ADGRB3: variants seen among roughly 807,000 people sequenced by gnomAD.
ADGRB3 encodes brain-specific angiogenesis inhibitor 3.
In ADGRB3, 37 loss-of-function variants were observed where a neutral mutation model predicts 193.4. The observed-to-expected ratio is 0.19, with a 90% CI of 0.15 to 0.25. The LOEUF is 0.25. Among genes scored for constraint, ADGRB3 ranks in the 10% least tolerant of loss-of-function variants. The pLI, the probability that ADGRB3 is intolerant of heterozygous loss-of-function variation, is 1.00. For missense variants in ADGRB3, 1,637 were observed against 1,852.9 expected, an observed-to-expected ratio of 0.88 and a Z score of 2.14; for synonymous variants, 690 against 644.2, an observed-to-expected ratio of 1.07 and a Z score of -1.08.
At chr6:68,993,034 C>T (rs1012422848) in intron 10 of ADGRB3, among the ~76,000 whole-genome samples, 2 of 151,982 alleles carry the variant, frequency 1.3e-5, no homozygotes, top group African/African-American at 4.8e-5. Flanking sequence ...ACTATTCTTT[C>T]GCATTATAAG....
At chr6:68,756,696 T>A (rs772417143) in intron 3 of ADGRB3, among the ~76,000 whole-genome samples, 1 of 152,124 alleles carries the variant, frequency 6.6e-6, no homozygotes, top group South Asian at 2.1e-4. Context: ...GCCTCCAATG[T>A]TGGAGGAAGT....
intron 3 of ADGRB3, among the ~76,000 whole-genome samples, chr6:68,696,204 T>C (rs1447565907): frequency 6.6e-6 from 1 of 152,044 alleles, no homozygotes; most frequent in Non-Finnish European, 1.5e-5. Flanking sequence ...TCATTTTCTC[T>C]TTAAGTAAAT....
At chr6:69,027,990 C>T (rs1237649526) in intron 13 of ADGRB3, among the ~76,000 whole-genome samples, 4 of 152,154 alleles carry the variant, frequency 2.6e-5, no homozygotes, top group African/African-American at 9.6e-5. Flanking sequence ...TGTTATCCTT[C>T]CTAACTCCAA....
At chr6:69,092,298 T>G (rs1772732682) in intron 17 of ADGRB3, among the ~76,000 whole-genome samples, 1 of 152,196 alleles carries the variant, frequency 6.6e-6, no homozygotes, top group Non-Finnish European at 1.5e-5. Flanking sequence ...CCATTGTCTA[T>G]TTTGGGGAAA....
intron 3 of ADGRB3, among the ~76,000 whole-genome samples, chr6:68,747,187 T>TA (rs1352107574): frequency 1.3e-5 from 2 of 152,176 alleles, no homozygotes; most frequent in Non-Finnish European, 2.9e-5. Flanking sequence ...TTCCCCTGAA[T>TA]AAAAAACAGT....
At chr6:69,188,262 G>A (rs1215464361) in intron 17 of ADGRB3, among the ~76,000 whole-genome samples, 1 of 151,812 alleles carries the variant, frequency 6.6e-6, no homozygotes, top group East Asian at 1.9e-4. Flanking sequence ...TTTTTTTCTG[G>A]GAGTTATTAT....
rs1766378204 is a variant in ADGRB3 at position 68,900,941 on chromosome 6, A to G, written c.758-29618A>G. 2.0e-5 allele frequency among the ~76,000 whole-genome samples: 3 copies of G among 152,164 alleles called. No individual in the cohort carries two copies. In the South Asian group the frequency reaches 6.2e-4, roughly 31 times the overall value. On this transcript the variant is annotated intron_variant, in intron 3 of 31. Transcript: ENST00000370598. ...GACTTATTTTGATATTTCAAGGATA[A>G]TAACTTCTAACCAAAAAATTCATTT...
intron 3 of ADGRB3, among the ~76,000 whole-genome samples, chr6:68,786,889 C>T (rs948710709): frequency 1.3e-5 from 2 of 151,730 alleles, no homozygotes; most frequent in African/African-American, 4.9e-5. Context: ...AAGTTGGATT[C>T]CTAGGTATTT....
At chr6:68,688,276 T>C (rs1273549838) in intron 3 of ADGRB3, among the ~76,000 whole-genome samples, 1 of 152,210 alleles carries the variant, frequency 6.6e-6, no homozygotes, top group Non-Finnish European at 1.5e-5. Context: ...GACTTGGTTC[T>C]GAGTCCCCTG....
intron 16 of ADGRB3, among the ~76,000 whole-genome samples, chr6:69,065,203 A>G (rs1187828372): frequency 6.6e-6 from 1 of 152,188 alleles, no homozygotes; most frequent in Non-Finnish European, 1.5e-5. Context: ...GTATGTATAC[A>G]TGTAGAAATC....
chr6:69,353,701 A>G (rs1361721434), intron 26 of ADGRB3, among the ~76,000 whole-genome samples: 1 of 152,204 alleles, frequency 6.6e-6, no homozygotes, highest in Non-Finnish European at 1.5e-5. Flanking sequence ...ACTTCCCTCT[A>G]TAGGTTATGG....
intron 17 of ADGRB3, among the ~76,000 whole-genome samples, chr6:69,197,446 T>A (rs2150356799): frequency 6.6e-6 from 1 of 152,136 alleles, no homozygotes; most frequent in South Asian, 2.1e-4. Flanking sequence ...ATTTTTAAGT[T>A]ACCTACTTAA....
At chr6:68,824,739 CTG>C (rs1767811298) in intron 3 of ADGRB3, among the ~76,000 whole-genome samples, 1 of 150,752 alleles carries the variant, frequency 6.6e-6, no homozygotes, top group Non-Finnish European at 1.5e-5. Context: ...CCCTAATCTT[CTG>C]TCTCATCTTT....
intron 3 of ADGRB3, among the ~76,000 whole-genome samples, chr6:68,910,364 C>G (rs567125011): frequency 1.3e-5 from 2 of 152,104 alleles, no homozygotes; most frequent in Non-Finnish European, 1.5e-5. Flanking sequence ...GTTGCCTGTT[C>G]ACTCTGATGG....
At chr6:69,323,159 G>A (rs1401525251) in intron 20 of ADGRB3, among the ~76,000 whole-genome samples, 4 of 151,982 alleles carry the variant, frequency 2.6e-5, no homozygotes, top group Non-Finnish European at 5.9e-5. Context: ...CATATTTACA[G>A]TTTGGTATAA....
intron 20 of ADGRB3, among the ~76,000 whole-genome samples, chr6:69,241,761 T>A (rs898511667): frequency 6.6e-6 from 1 of 152,008 alleles, no homozygotes; most frequent in Admixed American, 6.6e-5. Flanking sequence ...ATAGCTTCTA[T>A]GTAGTTTTGC....
chr6:68,646,486 A>AG, intron 3 of ADGRB3, among the ~76,000 whole-genome samples: 2 of 151,466 alleles, frequency 1.3e-5, no homozygotes, highest in Non-Finnish European at 2.9e-5. Flanking sequence ...AAAAAAAAAA[A>AG]AAAAAAAGAA....
intron 11 of ADGRB3, among the ~76,000 whole-genome samples, chr6:69,004,327 T>A (rs1769675631): frequency 6.6e-6 from 1 of 152,138 alleles, no homozygotes; most frequent in Non-Finnish European, 1.5e-5. Flanking sequence ...GCCTTCTCTC[T>A]CTGTCTTTTA....
intron 3 of ADGRB3, among the ~76,000 whole-genome samples, chr6:68,810,868 G>GCAGT (rs1767500303): frequency 6.6e-6 from 1 of 152,060 alleles, no homozygotes; most frequent in African/African-American, 2.4e-5. Flanking sequence ...CTGGTAGAAG[G>GCAGT]ATTTGGTAAA....
Sources: allele counts gnomAD v4.1 joint callset (sites outside exome capture counted in the v4.1 genomes callset), GRCh38; gene constraint gnomAD v4.1.1; transcripts MANE v1.5; gene names NCBI Gene and HGNC (gene_info 2026-07-23, HGNC 2026-07-21).